Variants in ARHGEF7 observed in about 807,000 individuals in gnomAD.
ARHGEF7 encodes Rho guanine nucleotide exchange factor 7, also known as PAK-interacting exchange factor beta.
ARHGEF7 carries 33 observed loss-of-function variants against 109.8 expected under a neutral mutation model. The observed-to-expected ratio is 0.30, with a 90% confidence interval of 0.23 to 0.40. The LOEUF (loss-of-function observed/expected upper bound fraction) is 0.40, where lower values mean the gene tolerates loss of function less well. Among genes scored for constraint, ARHGEF7 ranks in the 10% least tolerant of loss-of-function variants. ARHGEF7 has a pLI of 1.00. For missense variants in ARHGEF7, 938 were observed against 1,098.5 expected (o/e 0.85, Z 2.07); for synonymous variants, 458 against 424.6 (o/e 1.08, Z -0.97).
intron 17 of ARHGEF7, among the ~76,000 whole-genome samples, chr13:111,287,091 C>G (rs1485634818): frequency 1.3e-5 from 2 of 152,252 alleles, no homozygotes; most frequent in East Asian, 3.9e-4. Context: ...TCACCGCCAC[C>G]TTATCATCAA....
chr13:111,120,433 C>A (rs2067108569), intron 1 of ARHGEF7, among the ~76,000 whole-genome samples: 1 of 152,158 alleles, frequency 6.6e-6, no homozygotes, highest in Non-Finnish European at 1.5e-5. Context: ...GCATGCATGC[C>A]TGCACAAACA....
chr13:111,141,455 G>A (rs142178848), intron 1 of ARHGEF7, among the ~76,000 whole-genome samples: 57 of 152,004 alleles, frequency 3.7e-4, no homozygotes, highest in African/African-American at 1.1e-3. Context: ...GGGAAGTGTC[G>A]CACAGCTTCC....
chr13:111,198,340 A>G (rs1162562491), intron 2 of ARHGEF7, among the ~76,000 whole-genome samples: 5 of 152,128 alleles, frequency 3.3e-5, no homozygotes, highest in Non-Finnish European at 7.3e-5. Flanking sequence ...ATGTGTCCAG[A>G]ATTGGTTCCT....
rs2085477726 is a variant in ARHGEF7, at chr13:111,228,144, A to G, written c.671-5061A>G. Among the ~76,000 whole-genome samples the G allele has an allele frequency of 6.6e-6, 1 of 152,132 alleles. No individual in the cohort carries two copies. On this transcript the variant is annotated intron_variant, in intron 5 of 21. Coordinates refer to ENST00000646102, the MANE Select transcript of ARHGEF7 (RefSeq NM_001354046.2). The surrounding 1 kb of genome is among the most constrained non-coding windows in gnomAD (Gnocchi z 4.6). ...GCTCTCTGCTCTCTACTGGCATCCA[A>G]AAAAGAGGAGGGGGCGCTTTTATAG...
At chr13:111,202,358 T>C (rs1292408580) in intron 2 of ARHGEF7, among the ~76,000 whole-genome samples, 1 of 152,192 alleles carries the variant, frequency 6.6e-6, no homozygotes, top group Non-Finnish European at 1.5e-5. Flanking sequence ...GCATTTTGAT[T>C]TGAGTCTCTG....
intron 19 of ARHGEF7, among the ~76,000 whole-genome samples, chr13:111,297,488 T>A (rs912468690): frequency 1.3e-5 from 2 of 152,258 alleles, no homozygotes; most frequent in African/African-American, 2.4e-5. Context: ...GAGGCTTAGT[T>A]CCTCCAATCA....
intron 2 of ARHGEF7, among the ~76,000 whole-genome samples, chr13:111,183,723 C>T (rs1178459050): frequency 6.6e-6 from 1 of 152,162 alleles, no homozygotes; most frequent in African/African-American, 2.4e-5. Context: ...CTTGCTCTGT[C>T]TCTCACCTTC....
chr13:111,173,466 C>T (rs1308377474), intron 2 of ARHGEF7, among the ~76,000 whole-genome samples: 1 of 152,214 alleles, frequency 6.6e-6, no homozygotes, highest in Non-Finnish European at 1.5e-5. Context: ...GATGCTCCAC[C>T]TTCGTACCTA....
intron 2 of ARHGEF7, among the ~76,000 whole-genome samples, chr13:111,195,538 A>G (rs977805258): frequency 3.9e-5 from 6 of 152,208 alleles, no homozygotes; most frequent in East Asian, 3.9e-4. Context: ...GAGGAAGTCA[A>G]TTTCCTGGCC....
At chr13:111,152,129 C>T (rs1040630218) in intron 1 of ARHGEF7, among the ~76,000 whole-genome samples, 1 of 151,966 alleles carries the variant, frequency 6.6e-6, no homozygotes, top group Non-Finnish European at 1.5e-5. Context: ...TAAAAATAGA[C>T]TATATGAGGA....
intron 8 of ARHGEF7, among the ~76,000 whole-genome samples, chr13:111,267,294 C>T (rs1349612116): frequency 6.6e-6 from 1 of 152,164 alleles, no homozygotes; most frequent in Admixed American, 6.5e-5. Context: ...GAACTTGGGC[C>T]TGAGGGTTGG....
chr13:111,115,809 C>A, intron 1 of ARHGEF7, 118 bp downstream of exon 1: 1 of 413,024 alleles, frequency 2.4e-6, no homozygotes, highest in Non-Finnish European at 3.3e-6. Flanking sequence ...CTCCTTTGTG[C>A]GCGGAGCGGC....
At chr13:111,187,679 C>T (rs2079406209) in intron 2 of ARHGEF7, among the ~76,000 whole-genome samples, 1 of 152,090 alleles carries the variant, frequency 6.6e-6, no homozygotes. Flanking sequence ...GGAAGATATT[C>T]CTGAATTTCT....
rs2093631384 is a variant in ARHGEF7, at chr13:111,305,313, T to C, written c.*2200T>C. On this transcript the variant is annotated 3_prime_UTR_variant, in exon 22 of 22. Transcript: ENST00000646102. ...ACTGTGTCTGTTTCACCGTGTGACCTCCCAAGGGGGTGGGAACTTGATATA... is the reference window on the plus strand; with the variant it reads ...ACTGTGTCTGTTTCACCGTGTGACCCCCCAAGGGGGTGGGAACTTGATATA... 6.6e-6 allele frequency: 1 copy of C among 152,194 alleles called. No homozygotes were observed. Among genetic ancestry groups the C allele is most frequent in the African/African-American group, 2.4e-5 (1 of 41,450 alleles). The allele number at this position is 152,194 out of a possible 1,614,324, so 9.4% of individuals were successfully genotyped here. A position where few individuals can be genotyped will look rare whatever the true frequency, so the allele number is the denominator to read the frequency against.
At chr13:111,179,256 G>A (rs1348280810) in intron 2 of ARHGEF7, among the ~76,000 whole-genome samples, 7 of 151,810 alleles carry the variant, frequency 4.6e-5, no homozygotes, top group Non-Finnish European at 2.9e-5. Context: ...TTTTTTTTGT[G>A]TGTTTTTAGT....
rs1040800878 is a variant in ARHGEF7, at chr13:111,200,928, G to A, written c.253-4361G>A. On this transcript the variant is annotated intron_variant, in intron 2 of 21. Coordinates refer to ENST00000646102, the MANE Select transcript of ARHGEF7 (RefSeq NM_001354046.2). Reference sequence around the variant, plus strand: ...AAGCTGCTTGTTCAGTGAAGACATGGTAAAGACAATGGGGATGAGATACTG... The same window carrying A: ...AAGCTGCTTGTTCAGTGAAGACATGATAAAGACAATGGGGATGAGATACTG... Among the ~76,000 whole-genome samples the A allele has an allele frequency of 3.3e-5, 5 of 152,138 alleles. No homozygotes were observed. In the East Asian group the frequency reaches 9.6e-4, roughly 29 times the overall value.
In ARHGEF7 at chr13:111,221,551, C is replaced by CTATATATATAGATACATATCTA. The variant is rs1312286681; in HGVS notation, c.670+3678_670+3679insATAGATACATATCTATATATAT. The stretch of plus-strand genomic sequence containing the variant: ...TATATATCTATATATAGATACATAT[C>CTATATATATAGATACATATCTA]TATATATCTATATATATAGATACAT... On this transcript the variant is annotated intron_variant, in intron 5 of 21. Coordinates refer to ENST00000646102, the MANE Select transcript of ARHGEF7 (RefSeq NM_001354046.2). Among the ~76,000 whole-genome samples the CTATATATATAGATACATATCTA allele has an allele frequency of 2.0e-3, 119 of 58,722 alleles. 4 individuals are homozygous for CTATATATATAGATACATATCTA. Among genetic ancestry groups the CTATATATATAGATACATATCTA allele is most frequent in the African/African-American group, 6.9e-3 (111 of 16,098 alleles). The allele number at this position is 58,722 out of a possible 152,430, so 38.5% of individuals were successfully genotyped here.
intron 5 of ARHGEF7, among the ~76,000 whole-genome samples, chr13:111,225,709 G>T (rs1013074639): frequency 6.6e-6 from 1 of 152,072 alleles, no homozygotes; most frequent in African/African-American, 2.4e-5. Context: ...GTTTTGGGGT[G>T]CCATGAACCA....
intron 19 of ARHGEF7, among the ~76,000 whole-genome samples, chr13:111,299,403 T>C (rs2093506762): frequency 7.3e-6 from 1 of 136,178 alleles, no homozygotes; most frequent in East Asian, 2.4e-4. Context: ...AGTGCAGTGG[T>C]GCAATCTCGG....
Sources: allele counts gnomAD v4.1 joint callset (sites outside exome capture counted in the v4.1 genomes callset), GRCh38; gene constraint gnomAD v4.1.1; non-coding constraint Gnocchi (gnomAD v3.1); transcripts MANE v1.5; gene names NCBI Gene and HGNC (gene_info 2026-07-23, HGNC 2026-07-21).